The following ST6GALNAC5 variants were observed in gnomAD, a reference collection of about 807,000 sequenced individuals.
ST6GALNAC5 encodes ST6 N-acetylgalactosaminide alpha-2,6-sialyltransferase 5.
Under a neutral mutation model 33.6 loss-of-function variants are expected in ST6GALNAC5, and 27 were observed. The observed-to-expected ratio is 0.80, with a 90% CI of 0.59 to 1.11. ST6GALNAC5 has a LOEUF of 1.11. Ranked by LOEUF, ST6GALNAC5 falls within the 50% of genes least tolerant of loss-of-function variation. The pLI, the probability that ST6GALNAC5 is intolerant of heterozygous loss-of-function variation, is 0.00. For missense variants in ST6GALNAC5, 428 were observed against 454.0 expected, an observed-to-expected ratio of 0.94 and a Z score of 0.52; for synonymous variants, 194 against 171.2, an observed-to-expected ratio of 1.13 and a Z score of -1.04.
At chr1:76,961,875 C>A (rs1648253791) in intron 2 of ST6GALNAC5, among the ~76,000 whole-genome samples, 1 of 152,158 alleles carries the variant, frequency 6.6e-6, no homozygotes, top group South Asian at 2.1e-4. Context: ...CCTACCCCAC[C>A]AGGCTACAAT....
rs1272863464 is a variant in ST6GALNAC5 at position 77,012,742 on chromosome 1, A to G, written c.262-31462A>G. Among the ~76,000 whole-genome samples the G allele has an allele frequency of 2.0e-5, 3 of 152,320 alleles. No individual in the cohort carries two copies. In the East Asian group the frequency reaches 5.8e-4, roughly 29 times the overall value. Reference sequence around the variant, plus strand: ...GGGATTTATAATAGAACTTTGGATTAATTTATTCATTCATAAACATTTATT... The same window carrying G: ...GGGATTTATAATAGAACTTTGGATTGATTTATTCATTCATAAACATTTATT... On this transcript the variant is annotated intron_variant, in intron 2 of 4. Transcript: ENST00000477717.
At chr1:76,990,598 G>A (rs1649685571) in intron 2 of ST6GALNAC5, among the ~76,000 whole-genome samples, 1 of 152,118 alleles carries the variant, frequency 6.6e-6, no homozygotes, top group South Asian at 2.1e-4. Context: ...GGCAGCCTGT[G>A]CCTTCTCCAG....
At chr1:77,049,849 G>T (rs1331229243) in intron 3 of ST6GALNAC5, among the ~76,000 whole-genome samples, 7 of 152,160 alleles carry the variant, frequency 4.6e-5, no homozygotes, top group Admixed American at 4.6e-4. Flanking sequence ...TATTTAATAA[G>T]CTACTCATTA....
chr1:76,926,575 G>A (rs1050706718), intron 2 of ST6GALNAC5, among the ~76,000 whole-genome samples: 2 of 152,156 alleles, frequency 1.3e-5, no homozygotes, highest in Non-Finnish European at 2.9e-5. Flanking sequence ...AATGTACGCA[G>A]CTAATCCTTC....
chr1:76,906,782 C>T (rs1259573947), intron 2 of ST6GALNAC5, among the ~76,000 whole-genome samples: 1 of 152,120 alleles, frequency 6.6e-6, no homozygotes, highest in African/African-American at 2.4e-5. Context: ...CCTGCATATC[C>T]AACTACTTAC....
intron 2 of ST6GALNAC5, among the ~76,000 whole-genome samples, chr1:76,892,712 G>A (rs928676513): frequency 1.3e-5 from 2 of 152,190 alleles, no homozygotes; most frequent in African/African-American, 4.8e-5. Flanking sequence ...ATTTGGGAAA[G>A]AAGAAAAGTA....
chr1:76,999,110 A>T (rs964759229), intron 2 of ST6GALNAC5, among the ~76,000 whole-genome samples: 1 of 152,110 alleles, frequency 6.6e-6, no homozygotes, highest in African/African-American at 2.4e-5. Context: ...ATTCAATGTG[A>T]TATTTTCCCT....
intron 2 of ST6GALNAC5, among the ~76,000 whole-genome samples, chr1:76,916,176 GT>G (rs1291292128): frequency 6.6e-6 from 1 of 152,110 alleles, no homozygotes; most frequent in African/African-American, 2.4e-5. Context: ...TCTCTTAAGT[GT>G]TTCTGAGACA....
At position 76,889,989 on chromosome 1, in the gene ST6GALNAC5, A is replaced by G. The variant is rs1476161035; in HGVS notation, c.261+21247A>G. On this transcript the variant is annotated intron_variant, in intron 2 of 4. Coordinates refer to ENST00000477717, the MANE Select transcript of ST6GALNAC5 (RefSeq NM_030965.3). ...TTGTGCTGATTTTGTTCAAATAAAC[A>G]TATTTTGTATGTGTGTTGTTTGTGT... is the stretch of plus-strand genomic sequence containing the variant. Among the ~76,000 whole-genome samples the G allele has an allele frequency of 1.2e-4, 18 of 152,266 alleles. No individual in the cohort carries two copies. The East Asian group carries it at 2.9e-3, about 24-fold the overall frequency.
chr1:76,990,130 T>C lies in ST6GALNAC5; in HGVS notation c.262-54074T>C, dbSNP rs183691680. ...CCATTCTTTATTTGCCTTAGGGTGG[T>C]TCCAGGGAGAGAAGTTTGGAGAAGG... On this transcript the variant is annotated intron_variant, in intron 2 of 4. Transcript: ENST00000477717. Among the ~76,000 whole-genome samples, 12 of 152,308 alleles carry C rather than the reference T, an allele frequency of 7.9e-5. No homozygotes were observed. In the Middle Eastern group the frequency reaches 0.014, roughly 173 times the overall value.
Position 76,926,897 on chromosome 1 carries a change from A to G in ST6GALNAC5, c.261+58155A>G, listed in dbSNP as rs573068209. ...ATTTGTTAGGTAAAGATGATGGGCCATTTTTACTGGTAATTTTTCATTAAT... is the reference window on the plus strand; with the variant it reads ...ATTTGTTAGGTAAAGATGATGGGCCGTTTTTACTGGTAATTTTTCATTAAT... On this transcript the variant is annotated intron_variant, in intron 2 of 4. Coordinates refer to ENST00000477717, the MANE Select transcript of ST6GALNAC5 (RefSeq NM_030965.3). 3.5e-3 allele frequency among the ~76,000 whole-genome samples: 526 copies of G among 152,198 alleles called. 2 individuals carry two copies. Among genetic ancestry groups the G allele is most frequent in the African/African-American group, 0.012 (512 of 41,536 alleles).
chr1:77,018,058 G>A (rs953117185), intron 2 of ST6GALNAC5, among the ~76,000 whole-genome samples: 17 of 152,120 alleles, frequency 1.1e-4, no homozygotes, highest in Admixed American at 2.6e-4. Context: ...CTTCATTGGC[G>A]CTGAGCAGTT....
intron 2 of ST6GALNAC5, among the ~76,000 whole-genome samples, chr1:77,030,704 TA>T (rs1205542715): frequency 3.2e-4 from 48 of 152,332 alleles, no homozygotes; most frequent in African/African-American, 1.1e-3. Context: ...AGGTCTAATA[TA>T]AATGGATGAA....
chr1:77,034,382 T>C (rs1171699767), intron 2 of ST6GALNAC5, among the ~76,000 whole-genome samples: 1 of 152,098 alleles, frequency 6.6e-6, no homozygotes, highest in Non-Finnish European at 1.5e-5. Flanking sequence ...CCTACCCTCA[T>C]CCAGTATGAC....
At chr1:77,051,468 A>G (rs1652216689) in intron 4 of ST6GALNAC5, among the ~76,000 whole-genome samples, 1 of 152,168 alleles carries the variant, frequency 6.6e-6, no homozygotes. Flanking sequence ...CTGGTCACTT[A>G]CCCACCTAGT....
At chr1:77,042,237 A>G (rs1651854164) in intron 2 of ST6GALNAC5, among the ~76,000 whole-genome samples, 2 of 152,252 alleles carry the variant, frequency 1.3e-5, no homozygotes, top group Non-Finnish European at 2.9e-5. Flanking sequence ...CTCAGTAAAT[A>G]TTAACTGACT....
chr1:76,965,022 G>A (rs1648401127), intron 2 of ST6GALNAC5, among the ~76,000 whole-genome samples: 1 of 152,154 alleles, frequency 6.6e-6, no homozygotes, highest in Non-Finnish European at 1.5e-5. Context: ...GGAAATTTGG[G>A]TTGGTTCCAA....
chr1:76,983,897 G>A (rs150136302), intron 2 of ST6GALNAC5, among the ~76,000 whole-genome samples: 271 of 152,304 alleles, frequency 1.8e-3, no homozygotes, highest in African/African-American at 6.1e-3. Flanking sequence ...TGAACAACCT[G>A]CTCCTGAATG....
intron 2 of ST6GALNAC5, among the ~76,000 whole-genome samples, chr1:76,970,486 C>T (rs546135011): frequency 7.4e-4 from 112 of 151,388 alleles, no homozygotes; most frequent in Non-Finnish European, 1.3e-3. Context: ...TGAAATAAAG[C>T]GAGAAGAGAA....
Sources: gnomAD v4.1 joint callset for allele counts (sites outside exome capture counted in the v4.1 genomes callset) on GRCh38, gnomAD v4.1.1 for gene constraint, MANE v1.5 for transcripts, NCBI Gene and HGNC (gene_info 2026-07-23, HGNC 2026-07-21) for gene names.